The following MAGEB18 variants were observed in gnomAD, a reference collection of about 807,000 sequenced individuals.
MAGEB18 encodes MAGE family member B18, also known as melanoma-associated antigen B18.
Under a neutral mutation model 6.3 loss-of-function variants are expected in MAGEB18, and 6 were observed. That is an observed-to-expected ratio of 0.95 (90% CI 0.52 to 1.87). The LOEUF is 1.87. Among genes scored for constraint, MAGEB18 ranks in the 40% most tolerant of loss-of-function variants. The probability of loss-of-function intolerance (pLI) is 0.01; values close to 1 mark genes in which losing one functional copy is unlikely to be tolerated. For missense variants in MAGEB18, 228 were observed against 265.4 expected, an observed-to-expected ratio of 0.86 and a Z score of 0.98; for synonymous variants, 93 against 97.0, an observed-to-expected ratio of 0.96 and a Z score of 0.24.
At position 26,139,921 on chromosome X, in the gene MAGEB18, G is replaced by A. The variant is rs754897513; in HGVS notation, c.936G>A (p.Gln312=). 2 of 1,207,564 alleles carry A rather than the reference G, an allele frequency of 1.7e-6. No homozygotes were observed. Among genetic ancestry groups the A allele is most frequent in the African/African-American group, 3.5e-5 (2 of 57,171 alleles). ...AAGAGGCTTTGAGGGATGAGGAACA[G>A]AGAACCCAAGCCAGAGCTGCAGCCA... ...CYEEALRDEE[Q]RTQARAAARA... is the part of the protein sequence containing the mutation. The change falls in exon 2 of 3, where the codon CAG becomes CAA. Residue 312 remains glutamine (Q), a synonymous_variant. Transcript: ENST00000325250.
chrX:26,138,839 A>G, intron 1 of MAGEB18, 85 bp from the exon 2 acceptor site: 1 of 480,595 alleles, frequency 2.1e-6, no homozygotes, highest in African/African-American at 2.4e-5. Flanking sequence ...TACCCTCAAG[A>G]GAACCAGGAG....
Position 26,138,486 on chromosome X carries a change from G to A in MAGEB18, c.-63+19G>A, listed in dbSNP as rs1271406360. Reference sequence around the variant, plus strand: ...TGTCAAAGTGAGTATCATTTGTTATGACCTTCAAGACACACTCTTCCCAGA... The same window carrying A: ...TGTCAAAGTGAGTATCATTTGTTATAACCTTCAAGACACACTCTTCCCAGA... On this transcript the variant is annotated intron_variant, in intron 1 of 2. Coordinates refer to ENST00000325250, the MANE Select transcript of MAGEB18 (RefSeq NM_173699.4). The A allele has an allele frequency of 1.8e-5, 2 of 112,041 alleles. No homozygotes were observed. Among genetic ancestry groups the A allele is most frequent in the Admixed American group, 1.9e-4 (2 of 10,475 alleles). The allele number at this position is 112,041 out of a possible 1,213,427, so 9.2% of individuals were successfully genotyped here. A position where few individuals can be genotyped will look rare whatever the true frequency, so the allele number is the denominator to read the frequency against.
rs1361813904 is a variant in MAGEB18, at chrX:26,138,776, ACCCC to A, written c.-62-145_-62-142del. ...ATCCTGAGTTAGAACTGATGTGACA[ACCCC>A]CCACAGAACAGTCCCACCCCGCTCC... On this transcript the variant is annotated intron_variant, in intron 1 of 2. Transcript: ENST00000325250. 8 of 389,942 alleles carry A rather than the reference ACCCC, an allele frequency of 2.1e-5. 1 individual carries two copies. The African/African-American group carries it at 2.1e-4, about 10-fold the overall frequency. 32.1% of individuals were successfully genotyped at this position (389,942 alleles called of 1,213,427 possible).
intron 1 of MAGEB18, among the ~76,000 whole-genome samples, chrX:26,138,696 T>C (rs1456903719): frequency 9.0e-6 from 1 of 111,538 alleles, no homozygotes; most frequent in Non-Finnish European, 1.9e-5. Context: ...CTCAAAAGAC[T>C]AAAGTAAAAT....
At position 26,139,091 on chromosome X, in the gene MAGEB18, G is replaced by C. The variant is rs757543283; in HGVS notation, c.106G>C (p.Glu36Gln). The part of the protein sequence containing the change: ...GATQATVAEG[E>Q]SPSPAYLLFG... ...TACGCAGGCCACTGTGGCAGAAGGA[G>C]AGTCACCCTCCCCTGCCTATCTTCT... Residue 36 changes from glutamate (E) to glutamine (Q), a missense_variant, in exon 2 of 3, where the codon GAG (glutamate) becomes CAG (glutamine). Transcript: ENST00000325250. 8 of 1,211,289 alleles carry C rather than the reference G, an allele frequency of 6.6e-6. No homozygotes were observed. In the South Asian group the frequency reaches 1.4e-4, roughly 21 times the overall value.
In MAGEB18 at chrX:26,139,728, T is replaced by A. The variant is rs769501838; in HGVS notation, c.743T>A (p.Leu248Ter). ...GDPRKVMTKD[L>*]VQLKYLEYQQ... ...CCCAGGAAGGTCATGACCAAAGATTTGGTGCAGCTAAAGTACCTGGAGTAC... is the reference window on the plus strand; with the variant it reads ...CCCAGGAAGGTCATGACCAAAGATTAGGTGCAGCTAAAGTACCTGGAGTAC... The change falls in exon 2 of 3, where the codon TTG (leucine) becomes TAG (stop). Residue 248 changes from leucine (L) to a stop codon, truncating the protein, a stop_gained. Coordinates refer to ENST00000325250, the MANE Select transcript of MAGEB18 (RefSeq NM_173699.4). LOFTEE classifies it low-confidence loss of function (END_TRUNC). 1 of 1,211,707 alleles carries A rather than the reference T, an allele frequency of 8.3e-7. No individual in the cohort carries two copies. The highest frequency in any genetic ancestry group is 1.1e-6 in the Non-Finnish European group (1 of 895,462).
chrX:26,139,558 AG>A lies in MAGEB18; in HGVS notation c.574del (p.Glu192LysfsTer9), dbSNP rs1186599062. On this transcript the variant is annotated frameshift_variant, in exon 2 of 3. Coordinates refer to ENST00000325250, the MANE Select transcript of MAGEB18 (RefSeq NM_173699.4). LOFTEE classifies it low-confidence loss of function (END_TRUNC). ...CCTATGATGAAACAACCAGTGATGA[AG>A]AAAAAATTCCCAAGACTGGCCTCCT... ...LTYDETTSDE[E>X]KIPKTGLLMI... is the part of the protein sequence containing the mutation. 2 of 1,206,427 alleles carry A rather than the reference AG, an allele frequency of 1.7e-6. No homozygotes were observed. The highest frequency in any genetic ancestry group is 4.4e-5 in the Admixed American group (2 of 45,453).
At position 26,138,979 on chromosome X, in the gene MAGEB18, A is replaced by C. The variant is rs1163290732; in HGVS notation, c.-7A>C. 1.5e-5 allele frequency: 18 copies of C among 1,185,994 alleles called. No homozygotes were observed. Among genetic ancestry groups the C allele is most frequent in the Admixed American group, 2.4e-5 (1 of 42,078 alleles). The stretch of plus-strand genomic sequence containing the variant: ...ACTATTGTCTGTAGTCCCTGACAAG[A>C]GTAATTATGCCTCGAGGTCAGAAGA... On this transcript the variant is annotated 5_prime_UTR_variant, in exon 2 of 3. Coordinates refer to ENST00000325250, the MANE Select transcript of MAGEB18 (RefSeq NM_173699.4).
rs1336847240 is a variant in MAGEB18, at chrX:26,139,753, C to A, written c.768C>A (p.Tyr256Ter). 8.3e-7 allele frequency: 1 copy of A among 1,211,705 alleles called. No individual in the cohort carries two copies. Among genetic ancestry groups the A allele is most frequent in the Non-Finnish European group, 1.1e-6 (1 of 895,470 alleles). The change falls in exon 2 of 3, where the codon TAC (tyrosine) becomes TAA (stop). Residue 256 changes from tyrosine to a stop codon, truncating the protein, a stop_gained. Coordinates refer to ENST00000325250, the MANE Select transcript of MAGEB18 (RefSeq NM_173699.4). LOFTEE classifies it low-confidence loss of function (END_TRUNC). ...TGGTGCAGCTAAAGTACCTGGAGTA[C>A]CAGCAAGTGCCCAACAGTGATCCTC... ...KDLVQLKYLE[Y>*]QQVPNSDPPR... is the part of the protein sequence containing the mutation.
In MAGEB18 at chrX:26,139,423, T is replaced by C. The variant is rs778204042; in HGVS notation, c.438T>C (p.Asn146=). ...FVIRKDKCHF[N]EILKRASEHM... is the part of the protein sequence containing the mutation. ...TCAGGAAGGATAAGTGTCACTTCAATGAGATCCTCAAGAGAGCCTCTGAGC... is the reference window on the plus strand; with the variant it reads ...TCAGGAAGGATAAGTGTCACTTCAACGAGATCCTCAAGAGAGCCTCTGAGC... Residue 146 remains asparagine (N), a synonymous_variant, in exon 2 of 3, where the codon AAT becomes AAC. Coordinates refer to ENST00000325250, the MANE Select transcript of MAGEB18 (RefSeq NM_173699.4). 1.3e-5 allele frequency: 16 copies of C among 1,197,775 alleles called. No individual in the cohort carries two copies. In the African/African-American group the frequency reaches 1.8e-4, roughly 13 times the overall value.
rs1442072412 is a variant in MAGEB18, at chrX:26,139,155, C to T, written c.170C>T (p.Thr57Ile). 5.8e-6 allele frequency: 7 copies of T among 1,211,109 alleles called. No individual in the cohort carries two copies. The highest frequency in any genetic ancestry group is 2.2e-5 in the Admixed American group (1 of 45,931). The change falls in exon 2 of 3, where the codon ACA becomes ATA. Residue 57 changes from threonine (T) to isoleucine (I), a missense_variant. By Grantham distance (89) the Thr-to-Ile change is moderately conservative (BLOSUM62 -1). Transcript: ENST00000325250. ...CCCCAGAATTTGCCTGCTGCTGAGA[C>T]ACCTAGCATCCCTGAAGCGCTTCAG... ...DRPQNLPAAETPSIPEALQGA... is the reference protein window; with the variant it reads ...DRPQNLPAAEIPSIPEALQGA...
rs1358794397 is a variant in MAGEB18 at position 26,139,843 on chromosome X, G to T, written c.858G>T (p.Glu286Asp). 1.7e-6 allele frequency: 2 copies of T among 1,209,679 alleles called. No homozygotes were observed. The highest frequency in any genetic ancestry group is 1.8e-5 in the African/African-American group (1 of 57,133). ...AAACTAGCAAGATGAAAGTCCTGGA[G>T]TTTGTAGCCAAGATACATGATACCG... ...HAETSKMKVL[E>D]FVAKIHDTVP... Residue 286 changes from glutamate to aspartate, a missense_variant, in exon 2 of 3, where the codon GAG becomes GAT. Physicochemically the swap from Glu to Asp is conservative, Grantham distance 45 (BLOSUM62 2). Coordinates refer to ENST00000325250, the MANE Select transcript of MAGEB18 (RefSeq NM_173699.4).
chrX:26,140,341 T>C lies in MAGEB18; in HGVS notation c.*198T>C, dbSNP rs1220122678. 5.2e-6 allele frequency: 1 copy of C among 194,053 alleles called. No individual in the cohort carries two copies. The highest frequency in any genetic ancestry group is 2.7e-4 in the South Asian group (1 of 3,712). The allele number at this position is 194,053 out of a possible 1,213,427, so 16.0% of individuals were successfully genotyped here. A position where few individuals can be genotyped will look rare whatever the true frequency, so the allele number is the denominator to read the frequency against. The stretch of plus-strand genomic sequence containing the variant: ...TAACTCGGAGTTGTATCTTTTTCTT[T>C]CTTTTTTTTTTGGTGTTATATTTCA... On this transcript the variant is annotated 3_prime_UTR_variant, in exon 3 of 3. Transcript: ENST00000325250.
In MAGEB18 at chrX:26,139,081, G is replaced by A. The variant is rs752424932; in HGVS notation, c.96G>A (p.Val32=). 2.5e-6 allele frequency: 3 copies of A among 1,211,211 alleles called. No homozygotes were observed. Among genetic ancestry groups the A allele is most frequent in the Non-Finnish European group, 3.4e-6 (3 of 895,220 alleles). ...NQDLGATQAT[V]AEGESPSPAY... ...ATCTGGGAGCTACGCAGGCCACTGTGGCAGAAGGAGAGTCACCCTCCCCTG... is the reference window on the plus strand; with the variant it reads ...ATCTGGGAGCTACGCAGGCCACTGTAGCAGAAGGAGAGTCACCCTCCCCTG... The change falls in exon 2 of 3, where the codon GTG becomes GTA. Residue 32 remains valine, a synonymous_variant. Coordinates refer to ENST00000325250, the MANE Select transcript of MAGEB18 (RefSeq NM_173699.4).
rs5944320 is a variant in MAGEB18, at chrX:26,140,376, G to T, written c.*233G>T. ...TTGGTGTTATATTTCAAATGTTGTT[G>T]CTTATAATAGAAGTTTTAGATAACT... On this transcript the variant is annotated 3_prime_UTR_variant, in exon 3 of 3. Transcript: ENST00000325250. 15,415 of 144,007 alleles carry T rather than the reference G, an allele frequency of 0.11. 672 individuals are homozygous for T. The highest frequency in any genetic ancestry group is 0.19 in the South Asian group (620 of 3,218). 11.9% of individuals were successfully genotyped at this position (144,007 alleles called of 1,213,427 possible).
chrX:26,139,177 T>C lies in MAGEB18; in HGVS notation c.192T>C (p.Leu64=), dbSNP rs1473280735. Reference sequence around the variant, plus strand: ...AGACACCTAGCATCCCTGAAGCGCTTCAGGGAGCCCCATCCACCACCAATG... The same window carrying C: ...AGACACCTAGCATCCCTGAAGCGCTCCAGGGAGCCCCATCCACCACCAATG... ...AAETPSIPEA[L]QGAPSTTNAI... is the part of the protein sequence containing the mutation. Residue 64 remains leucine, a synonymous_variant, in exon 2 of 3, where the codon CTT becomes CTC. Transcript: ENST00000325250. 1 of 1,208,491 alleles carries C rather than the reference T, an allele frequency of 8.3e-7. No individual in the cohort carries two copies. The highest frequency in any genetic ancestry group is 2.2e-5 in the Admixed American group (1 of 45,529).
At position 26,139,140 on chromosome X, in the gene MAGEB18, T is replaced by C. The variant is rs747570855; in HGVS notation, c.155T>C (p.Leu52Ser). Residue 52 changes from leucine (L) to serine (S), a missense_variant, in exon 2 of 3, where the codon TTG (leucine) becomes TCG (serine). Leu to Ser is a moderately radical substitution (Grantham distance 145, BLOSUM62 -2). Transcript: ENST00000325250. ...YLLFGDRPQNLPAAETPSIPE... is the reference protein window; with the variant it reads ...YLLFGDRPQNSPAAETPSIPE... ...CTCTTTGGTGACAGACCCCAGAATTTGCCTGCTGCTGAGACACCTAGCATC... is the reference window on the plus strand; with the variant it reads ...CTCTTTGGTGACAGACCCCAGAATTCGCCTGCTGCTGAGACACCTAGCATC... The C allele has an allele frequency of 1.7e-6, 2 of 1,210,857 alleles. No homozygotes were observed. Among genetic ancestry groups the C allele is most frequent in the South Asian group, 3.5e-5 (2 of 56,903 alleles).
Position 26,139,490 on chromosome X carries a change from C to A in MAGEB18, c.505C>A (p.Pro169Thr), listed in dbSNP as rs1472674248. The change falls in exon 2 of 3, where the codon CCC (proline) becomes ACC (threonine). Residue 169 changes from proline to threonine, a missense_variant. Physicochemically the swap from Pro to Thr is conservative, Grantham distance 38. Coordinates refer to ENST00000325250, the MANE Select transcript of MAGEB18 (RefSeq NM_173699.4). ...ALGVDLKEVD[P>T]IRHYYAFFSK... is the part of the protein sequence containing the mutation. ...TGGTGTTGATTTGAAGGAAGTGGAT[C>A]CCATCAGGCACTACTATGCCTTTTT... 1.7e-6 allele frequency: 2 copies of A among 1,206,071 alleles called. No homozygotes were observed. The highest frequency in any genetic ancestry group is 3.5e-5 in the African/African-American group (2 of 56,944).
At position 26,139,255 on chromosome X, in the gene MAGEB18, G is replaced by C. The variant is rs1487612591; in HGVS notation, c.270G>C (p.Glu90Asp). 8.3e-7 allele frequency: 1 copy of C among 1,209,774 alleles called. No individual in the cohort carries two copies. The highest frequency in any genetic ancestry group is 1.1e-6 in the Non-Finnish European group (1 of 895,209). ...ATGAAGGTGCCAGCAGCCAAGATGA[G>C]AAAAGTCTAGGTTCCTCAAGGGAAG... is the stretch of plus-strand genomic sequence containing the variant. ...SSNEGASSQD[E>D]KSLGSSREAE... The change falls in exon 2 of 3, where the codon GAG becomes GAC. Residue 90 changes from glutamate (E) to aspartate (D), a missense_variant. Transcript: ENST00000325250.
Sources: allele counts gnomAD v4.1 joint callset (sites outside exome capture counted in the v4.1 genomes callset), GRCh38; gene constraint gnomAD v4.1.1; transcripts MANE v1.5; gene names NCBI Gene and HGNC (gene_info 2026-07-23, HGNC 2026-07-21).